The following CEP128 variants were observed in gnomAD, a reference collection of about 807,000 sequenced individuals.
CEP128 encodes the protein centrosomal protein 128kDa.
Under a neutral mutation model 156.7 loss-of-function variants are expected in CEP128, and 132 were observed. That is an observed-to-expected ratio of 0.84 (90% CI 0.73 to 0.97). The LOEUF (loss-of-function observed/expected upper bound fraction) is 0.97, where lower values mean the gene tolerates loss of function less well. CEP128 is among the 50% of genes least tolerant of loss of function. CEP128 has a pLI of 0.00. For missense variants in CEP128, 1,252 were observed against 1,281.9 expected (o/e 0.98, Z 0.36); for synonymous variants, 469 against 448.9 (o/e 1.04, Z -0.57).
At chr14:80,692,993 T>A (rs530696000) in intron 19 of CEP128, among the ~76,000 whole-genome samples, 150 of 152,304 alleles carry the variant, frequency 9.8e-4, no homozygotes, top group Non-Finnish European at 1.9e-3. Flanking sequence ...AAATGTAGAT[T>A]CTAATTCAGG....
intron 8 of CEP128, among the ~76,000 whole-genome samples, chr14:80,865,560 T>G (rs186701396): frequency 5.4e-4 from 82 of 152,332 alleles, no homozygotes; most frequent in African/African-American, 1.9e-3. Context: ...TTGGTATTCA[T>G]GCACTTGTGT....
chr14:80,620,687 C>T (rs970574079), intron 19 of CEP128, among the ~76,000 whole-genome samples: 8 of 152,108 alleles, frequency 5.3e-5, no homozygotes, highest in African/African-American at 1.7e-4. Flanking sequence ...AGAGAGTTTA[C>T]CACTCATTGA....
At chr14:80,507,008 G>T (rs1468086892) in intron 23 of CEP128, among the ~76,000 whole-genome samples, 1 of 151,976 alleles carries the variant, frequency 6.6e-6, no homozygotes, top group African/African-American at 2.4e-5. Context: ...AGATCTGGTT[G>T]TTTAAGTGTG....
chr14:80,821,639 A>ACACG (rs1200120392), intron 13 of CEP128, among the ~76,000 whole-genome samples: 2 of 131,868 alleles, frequency 1.5e-5, no homozygotes, highest in Non-Finnish European at 3.3e-5. Context: ...ACACACACAC[A>ACACG]CACATGCACA....
At chr14:80,815,530 T>C (rs532450486) in intron 13 of CEP128, among the ~76,000 whole-genome samples, 14 of 152,128 alleles carry the variant, frequency 9.2e-5, no homozygotes, top group Non-Finnish European at 1.6e-4. Context: ...AACTAAAAAA[T>C]AGAACTACTG....
intron 21 of CEP128, among the ~76,000 whole-genome samples, chr14:80,553,860 A>G (rs1890317297): frequency 6.6e-6 from 1 of 152,200 alleles, no homozygotes; most frequent in Non-Finnish European, 1.5e-5. Context: ...GTATTTGCAA[A>G]TATCAATTTT....
chr14:80,554,074 G>A (rs931035334), intron 21 of CEP128, among the ~76,000 whole-genome samples: 5 of 152,064 alleles, frequency 3.3e-5, no homozygotes, highest in Non-Finnish European at 7.4e-5. Context: ...TGATGGTGGT[G>A]GTGGTGGAAT....
intron 23 of CEP128, among the ~76,000 whole-genome samples, chr14:80,512,114 T>C (rs977522209): frequency 6.6e-6 from 1 of 152,000 alleles, no homozygotes; most frequent in Non-Finnish European, 1.5e-5. Flanking sequence ...GATTAAGTCT[T>C]ATGCTTCTTT....
At chr14:80,563,749 A>T (rs2140385552) in intron 20 of CEP128, among the ~76,000 whole-genome samples, 1 of 151,892 alleles carries the variant, frequency 6.6e-6, no homozygotes, top group Non-Finnish European at 1.5e-5. Flanking sequence ...GTTAGCAAAG[A>T]TGGTCTTGAT....
intron 19 of CEP128, among the ~76,000 whole-genome samples, chr14:80,633,463 T>C (rs920078618): frequency 6.6e-6 from 1 of 151,718 alleles, no homozygotes; most frequent in Admixed American, 6.6e-5. Flanking sequence ...GTTTCTGTTA[T>C]GGCCTGCCTT....
intron 8 of CEP128, among the ~76,000 whole-genome samples, chr14:80,872,592 G>A (rs368996433): frequency 2.6e-5 from 4 of 152,312 alleles, no homozygotes; most frequent in East Asian, 3.9e-4. Context: ...AATAGGGGCA[G>A]CATTTATTTT....
At chr14:80,871,138 G>A (rs1290740289) in intron 8 of CEP128, among the ~76,000 whole-genome samples, 3 of 152,034 alleles carry the variant, frequency 2.0e-5, no homozygotes, top group Non-Finnish European at 4.4e-5. Flanking sequence ...TACAGAGAAA[G>A]CCACATAACG....
downstream of CEP128, chr14:80,490,366 A>G (rs922264978): frequency 1.3e-5 from 2 of 152,222 alleles, no homozygotes; most frequent in Non-Finnish European, 2.9e-5. Context: ...ACTGGTATAG[A>G]GAAGAAAAAA....
chr14:80,541,443 T>TAAAAAAAAAA (rs35523389), intron 21 of CEP128, among the ~76,000 whole-genome samples: 2 of 109,960 alleles, frequency 1.8e-5, no homozygotes, highest in Admixed American at 9.5e-5. Context: ...ATGACTGTGT[T>TAAAAAAAAAA]AAAAAAAAAA....
intron 13 of CEP128, among the ~76,000 whole-genome samples, chr14:80,796,383 C>T (rs985947763): frequency 2.0e-5 from 3 of 152,054 alleles, no homozygotes; most frequent in African/African-American, 7.2e-5. Flanking sequence ...CAGCTTGAAC[C>T]CAGGAGGTGG....
chr14:80,672,569 C>T (rs1417955226), intron 19 of CEP128, among the ~76,000 whole-genome samples: 1 of 152,062 alleles, frequency 6.6e-6, no homozygotes, highest in Non-Finnish European at 1.5e-5. Context: ...CCAAATATAT[C>T]TTAAAGTTTT....
intron 1 of CEP128, among the ~76,000 whole-genome samples, chr14:80,939,834 T>C (rs1212001304): frequency 6.6e-6 from 1 of 152,218 alleles, no homozygotes; most frequent in Non-Finnish European, 1.5e-5. Flanking sequence ...AAAAGTACTA[T>C]GTATGAGCAT....
chr14:80,785,474 CT>C lies in CEP128; in HGVS notation c.1631del (p.Lys544ArgfsTer3). On this transcript the variant is annotated frameshift_variant, in exon 15 of 25. Coordinates refer to ENST00000555265, the MANE Select transcript of CEP128 (RefSeq NM_152446.5). LOFTEE classifies it high-confidence loss of function. ...GCTTTGTTAGGACATCATTCAATTCCTTTCGAAGATTCTCTATTTGTTGTAA... is the reference window on the plus strand; with the variant it reads ...GCTTTGTTAGGACATCATTCAATTCCTTCGAAGATTCTCTATTTGTTGTAA... ...AALQQIENLR[K>X]ELNDVLTKRA... 6.2e-7 allele frequency: 1 copy of C among 1,613,776 alleles called. No homozygotes were observed. The highest frequency in any genetic ancestry group is 1.3e-5 in the African/African-American group (1 of 75,036).
At chr14:80,483,909 CTGAT>C (rs1352436875) in intron 14 of CEP128, among the ~76,000 whole-genome samples, 1 of 152,110 alleles carries the variant, frequency 6.6e-6, no homozygotes, top group Non-Finnish European at 1.5e-5. Flanking sequence ...GGATAAAATA[CTGAT>C]TGAAAGTTAA....
Sources: allele counts gnomAD v4.1 joint callset (sites outside exome capture counted in the v4.1 genomes callset), GRCh38; gene constraint gnomAD v4.1.1; transcripts MANE v1.5; gene names NCBI Gene and HGNC (gene_info 2026-07-23, HGNC 2026-07-21).